The following RPH3AL variants were observed in gnomAD, a reference collection of about 807,000 sequenced individuals.
RPH3AL encodes the protein rabphilin 3A like (without C2 domains).
In RPH3AL, 38 loss-of-function variants were observed where a neutral mutation model predicts 43.1. That is an observed-to-expected ratio of 0.88 (90% CI 0.68 to 1.15). RPH3AL has a LOEUF of 1.15. Among genes scored for constraint, RPH3AL ranks in the 50% most tolerant of loss-of-function variants. The pLI, the probability that RPH3AL is intolerant of heterozygous loss-of-function variation, is 0.00. For missense variants in RPH3AL, 462 were observed against 423.2 expected (o/e 1.09, Z -0.81); for synonymous variants, 189 against 176.3 (o/e 1.07, Z -0.57).
At chr17:235,302 G>C (rs190909841) in intron 7 of RPH3AL, among the ~76,000 whole-genome samples, 2 of 147,714 alleles carry the variant, frequency 1.4e-5, no homozygotes, top group Non-Finnish European at 3.0e-5. Flanking sequence ...GACGGGTCCC[G>C]GGTTCAAAGC....
At chr17:277,331 C>G (rs1192109393) in intron 6 of RPH3AL, among the ~76,000 whole-genome samples, 1 of 152,136 alleles carries the variant, frequency 6.6e-6, no homozygotes, top group Non-Finnish European at 1.5e-5. Flanking sequence ...GTCTCTGATT[C>G]TGGATTTTTG....
At chr17:224,259 C>T (rs879814827) in intron 7 of RPH3AL, among the ~76,000 whole-genome samples, 4,425 of 152,276 alleles carry the variant, frequency 0.029, 108 homozygotes, top group Non-Finnish European at 0.045. Flanking sequence ...AAAGGTTCCC[C>T]ATGCCCCCAG....
rs370635814 is a variant in RPH3AL, at chr17:247,192, G to A, written c.532C>T (p.Arg178Ter). The A allele has an allele frequency of 7.4e-6, 12 of 1,613,964 alleles. No individual in the cohort carries two copies. Among genetic ancestry groups the A allele is most frequent in the Middle Eastern group, 1.7e-4 (1 of 6,054 alleles). Reference protein sequence around the residue: ...TPGRADDPHFRPLPTEPAERE... With the variant: ...TPGRADDPHF The stretch of plus-strand genomic sequence containing the variant: ...TCTGCCGGTTCCGTGGGCAAAGGTC[G>A]GAAGTGGGGGTCATCAGCTCGGCCA... The change falls in exon 7 of 10, where the codon CGA (arginine) becomes TGA (stop). Residue 178 changes from arginine (R) to a stop codon, truncating the protein, a stop_gained. Transcript: ENST00000331302. LOFTEE classifies it high-confidence loss of function.
Position 272,965 on chromosome 17 carries a change from G to GAA in RPH3AL, c.438+8802_438+8803insTT, listed in dbSNP as rs2042521474. The stretch of plus-strand genomic sequence containing the variant: ...GAGACCCCAGCAAGGGCTACGTCAG[G>GAA]GTGAGACCCCAGCAAGGGCTACGTC... On this transcript the variant is annotated intron_variant, in intron 6 of 9. Coordinates refer to ENST00000331302, the MANE Select transcript of RPH3AL (RefSeq NM_006987.4). Among the ~76,000 whole-genome samples the GAA allele has an allele frequency of 7.5e-5, 4 of 53,272 alleles. No individual in the cohort carries two copies. In the Admixed American group the frequency reaches 8.0e-4, roughly 11 times the overall value. The allele number at this position is 53,272 out of a possible 152,430, so 34.9% of individuals were successfully genotyped here. A position where few individuals can be genotyped will look rare whatever the true frequency, so the allele number is the denominator to read the frequency against.
intron 5 of RPH3AL, among the ~76,000 whole-genome samples, chr17:294,231 T>C (rs1413025726): frequency 2.0e-5 from 3 of 151,212 alleles, no homozygotes; most frequent in Non-Finnish European, 2.9e-5. Flanking sequence ...AACGCCAGCA[T>C]GGGATGGACC....
At position 333,949 on chromosome 17, in the gene RPH3AL, A is replaced by C. The variant is rs1250048325; in HGVS notation, c.-212-15T>G. ...CAGACGATCCTCTATTCGCAAAAAA[A>C]TAAATAAATAAAATAAAATAAAGGG... On this transcript the variant is annotated splice_polypyrimidine_tract_variant and intron_variant, in intron 1 of 9. Coordinates refer to ENST00000331302, the MANE Select transcript of RPH3AL (RefSeq NM_006987.4). The surrounding 1 kb of genome is among the most constrained non-coding windows in gnomAD (Gnocchi z 4.5). 1 of 152,436 alleles carries C rather than the reference A, an allele frequency of 6.6e-6. No individual in the cohort carries two copies. The highest frequency in any genetic ancestry group is 1.5e-5 in the Non-Finnish European group (1 of 68,188). The allele number at this position is 152,436 out of a possible 1,614,324, so 9.4% of individuals were successfully genotyped here. A position where few individuals can be genotyped will look rare whatever the true frequency, so the allele number is the denominator to read the frequency against.
In RPH3AL at chr17:333,494, T is replaced by C. The variant is rs2044857941; in HGVS notation, c.-37+265A>G. On this transcript the variant is annotated intron_variant, in intron 2 of 9. Transcript: ENST00000331302. The surrounding 1 kb of genome is among the most constrained non-coding windows in gnomAD (Gnocchi z 4.5). Reference sequence around the variant, plus strand: ...AAAATTGGGTTCTTACTATATATGCTGCTTGCTGGTTTTTTAAACCACCTT... The same window carrying C: ...AAAATTGGGTTCTTACTATATATGCCGCTTGCTGGTTTTTTAAACCACCTT... 5.7e-6 allele frequency: 2 copies of C among 350,278 alleles called. No individual in the cohort carries two copies. The highest frequency in any genetic ancestry group is 3.8e-5 in the Admixed American group (1 of 26,266). 21.7% of individuals were successfully genotyped at this position (350,278 alleles called of 1,614,324 possible).
chr17:248,008 C>T (rs576648552), intron 6 of RPH3AL, among the ~76,000 whole-genome samples: 4 of 152,252 alleles, frequency 2.6e-5, no homozygotes, highest in South Asian at 4.1e-4. Flanking sequence ...GCAGGCACCT[C>T]ACCCAGCCCC....
chr17:266,230 G>C (rs2042318612), intron 6 of RPH3AL, among the ~76,000 whole-genome samples: 1 of 151,714 alleles, frequency 6.6e-6, no homozygotes, highest in African/African-American at 2.4e-5. Flanking sequence ...GTGTGTGTGT[G>C]CGTGCACCTG....
chr17:297,901 G>A (rs948010527), intron 5 of RPH3AL, among the ~76,000 whole-genome samples: 17 of 152,150 alleles, frequency 1.1e-4, no homozygotes, highest in Non-Finnish European at 1.2e-4. Flanking sequence ...GAGGCTTCAC[G>A]AGCTGATGGG....
Position 219,527 on chromosome 17 carries a change from T to TTTTTTTTC in RPH3AL, c.727+95_727+96insGAAAAAAA. Reference sequence around the variant, plus strand: ...GTTTCATTTCTTTTCTTTTTCTTCCTTTTTTTTTTTTTTTTGAGATGGAGT... The same window carrying TTTTTTTTC: ...GTTTCATTTCTTTTCTTTTTCTTCCTTTTTTTTCTTTTTTTTTTTTTTTGAGATGGAGT... On this transcript the variant is annotated intron_variant, in intron 8 of 9. Coordinates refer to ENST00000331302, the MANE Select transcript of RPH3AL (RefSeq NM_006987.4). The TTTTTTTTC allele has an allele frequency of 2.4e-5, 2 of 82,646 alleles. 1 individual carries two copies. The allele number at this position is 82,646 out of a possible 1,614,324, so 5.1% of individuals were successfully genotyped here.
chr17:250,249 C>T (rs2041864603), intron 6 of RPH3AL, among the ~76,000 whole-genome samples: 1 of 136,188 alleles, frequency 7.3e-6, no homozygotes, highest in Non-Finnish European at 1.6e-5. Context: ...AGAGCCTTTA[C>T]CAAGCTCCGT....
chr17:255,974 C>A (rs2042039381), intron 6 of RPH3AL, among the ~76,000 whole-genome samples: 2 of 53,224 alleles, frequency 3.8e-5, no homozygotes, highest in African/African-American at 1.3e-4. Context: ...TACGTACTTC[C>A]TATGAGGGGA....
At chr17:235,844 C>CGG (rs2041373119) in intron 7 of RPH3AL, among the ~76,000 whole-genome samples, 1 of 138,514 alleles carries the variant, frequency 7.2e-6, no homozygotes, top group Non-Finnish European at 1.6e-5. Flanking sequence ...ACTAACAAGA[C>CGG]AGGTCCCGGG....
At chr17:316,639 A>T (rs1324682567) in intron 5 of RPH3AL, among the ~76,000 whole-genome samples, 1 of 121,982 alleles carries the variant, frequency 8.2e-6, no homozygotes, top group African/African-American at 3.3e-5. Context: ...CTCCACCTCC[A>T]TTGACCTGCA....
chr17:309,522 A>T (rs1010794827), intron 5 of RPH3AL, among the ~76,000 whole-genome samples: 1 of 100,306 alleles, frequency 1.0e-5, no homozygotes, highest in Admixed American at 1.1e-4. Context: ...CGCCCTGCCC[A>T]GGGCTCCTGC....
Position 333,500 on chromosome 17 carries a change from C to A in RPH3AL, c.-37+259G>T, listed in dbSNP as rs2044858017. On this transcript the variant is annotated intron_variant, in intron 2 of 9. Coordinates refer to ENST00000331302, the MANE Select transcript of RPH3AL (RefSeq NM_006987.4). The surrounding 1 kb of genome is among the most constrained non-coding windows in gnomAD (Gnocchi z 4.5). Reference sequence around the variant, plus strand: ...GGGTTCTTACTATATATGCTGCTTGCTGGTTTTTTAAACCACCTTGTGCTT... The same window carrying A: ...GGGTTCTTACTATATATGCTGCTTGATGGTTTTTTAAACCACCTTGTGCTT... 2 of 345,270 alleles carry A rather than the reference C, an allele frequency of 5.8e-6. No individual in the cohort carries two copies. The highest frequency in any genetic ancestry group is 1.1e-5 in the Non-Finnish European group (2 of 177,406). The allele number at this position is 345,270 out of a possible 1,614,324, so 21.4% of individuals were successfully genotyped here. A position where few individuals can be genotyped will look rare whatever the true frequency, so the allele number is the denominator to read the frequency against.
intron 7 of RPH3AL, among the ~76,000 whole-genome samples, chr17:224,128 C>T (rs1000381809): frequency 3.3e-5 from 5 of 152,242 alleles, no homozygotes; most frequent in Non-Finnish European, 2.9e-5. Flanking sequence ...GTCAGCTCCT[C>T]CAACCTGGAC....
At chr17:235,233 C>A in intron 7 of RPH3AL, among the ~76,000 whole-genome samples, 1 of 149,710 alleles carries the variant, frequency 6.7e-6, no homozygotes, top group Non-Finnish European at 1.5e-5. Flanking sequence ...GGAGGCTCCG[C>A]ACTAACAAGA....
Sources: allele counts gnomAD v4.1 joint callset (sites outside exome capture counted in the v4.1 genomes callset), GRCh38; gene constraint gnomAD v4.1.1; non-coding constraint Gnocchi (gnomAD v3.1); transcripts MANE v1.5; gene names NCBI Gene and HGNC (gene_info 2026-07-23, HGNC 2026-07-21).